Variants in RBL2 observed in about 807,000 individuals in gnomAD.
RBL2 encodes the protein RB transcriptional corepressor like 2.
In RBL2, 56 loss-of-function variants were observed where a neutral mutation model predicts 126.0. The ratio of observed to expected loss-of-function variants is 0.44; its 90% CI spans 0.36 to 0.56. The LOEUF (loss-of-function observed/expected upper bound fraction) is 0.56. RBL2 is among the 20% of genes least tolerant of loss of function. The pLI is 0.00. For missense variants in RBL2, 1,229 were observed against 1,398.2 expected (o/e 0.88, Z 1.93); for synonymous variants, 454 against 478.5 (o/e 0.95, Z 0.67).
chr16:53,473,844 T>A (rs528597050), intron 17 of RBL2, among the ~76,000 whole-genome samples: 79 of 152,224 alleles, frequency 5.2e-4, no homozygotes, highest in South Asian at 5.2e-3. Flanking sequence ...GTGTTTTTTT[T>A]ATCATGAAAG....
chr16:53,436,791 G>A (rs1457384264), intron 1 of RBL2, among the ~76,000 whole-genome samples: 1 of 152,192 alleles, frequency 6.6e-6, no homozygotes, highest in Non-Finnish European at 1.5e-5. Flanking sequence ...GTATGGCAGA[G>A]CCGGAATTTG....
intron 4 of RBL2, 123 bp from the exon 5 acceptor site, chr16:53,451,576 CACTT>C (rs2153140868): frequency 9.9e-7 from 1 of 1,008,284 alleles, no homozygotes; most frequent in African/African-American, 1.6e-5. Flanking sequence ...TTTGCCAAAA[CACTT>C]ATTGTAATGA....
At chr16:53,465,815 A>G in intron 13 of RBL2, 1 of 373,176 alleles carries the variant, frequency 2.7e-6, no homozygotes, top group Non-Finnish European at 4.7e-6. Context: ...CAGCTTGGTA[A>G]GTAGATAACG....
intron 6 of RBL2, 28 bp from the exon 7 acceptor site, chr16:53,453,677 G>C: frequency 1.2e-6 from 2 of 1,604,078 alleles, no homozygotes; most frequent in South Asian, 1.1e-5. Context: ...TTAACATGAC[G>C]ACTTAAGGAT....
In RBL2 at chr16:53,470,059, G is replaced by T. The variant is rs1389398565; in HGVS notation, c.2119G>T (p.Val707Phe). 2 of 1,614,090 alleles carry T rather than the reference G, an allele frequency of 1.2e-6. No homozygotes were observed. The highest frequency in any genetic ancestry group is 4.5e-5 in the East Asian group (2 of 44,892). The change falls in exon 15 of 22, where the codon GTC becomes TTC. Residue 707 changes from valine (V) to phenylalanine (F), a missense_variant. Physicochemically the swap from Val to Phe is conservative, Grantham distance 50. Around this residue, in one of 2 missense-constraint regions of RBL2, gnomAD observed 1,070 missense variants for 1,274.3 expected, o/e 0.84. Coordinates refer to ENST00000262133, the MANE Select transcript of RBL2 (RefSeq NM_005611.4). Reference sequence around the variant, plus strand: ...GCCCCCACAGCCCCTAGTCAATGCTGTCCCTGTGCAGAATGTATCTGGGGA... The same window carrying T: ...GCCCCCACAGCCCCTAGTCAATGCTTTCCCTGTGCAGAATGTATCTGGGGA... ...RMPPQPLVNAVPVQNVSGETV... is the reference protein window; with the variant it reads ...RMPPQPLVNAFPVQNVSGETV...
At chr16:53,444,779 C>G (rs116373828) in intron 3 of RBL2, among the ~76,000 whole-genome samples, 2 of 149,210 alleles carry the variant, frequency 1.3e-5, no homozygotes, top group African/African-American at 2.5e-5. Context: ...ACCCAGGAGT[C>G]GGAGGTTTCA....
chr16:53,484,880 A>G (rs1269933367), intron 21 of RBL2, among the ~76,000 whole-genome samples: 2 of 152,230 alleles, frequency 1.3e-5, no homozygotes, highest in South Asian at 2.1e-4. Flanking sequence ...ATACCATGCT[A>G]CCACTCATGA....
chr16:53,446,890 A>G, intron 3 of RBL2, 152 bp from the exon 4 acceptor site: 1 of 422,444 alleles, frequency 2.4e-6, no homozygotes, highest in Non-Finnish European at 4.3e-6. Flanking sequence ...ATATTTTGTT[A>G]AGGCAGAACG....
intron 1 of RBL2, 94 bp from the exon 2 acceptor site, chr16:53,438,922 T>C: frequency 1.5e-6 from 1 of 654,974 alleles, no homozygotes; most frequent in South Asian, 4.1e-5. Flanking sequence ...CACAAAAATA[T>C]AAACAACACT....
chr16:53,477,624 G>A (rs1960781578), intron 17 of RBL2, among the ~76,000 whole-genome samples: 1 of 152,102 alleles, frequency 6.6e-6, no homozygotes, highest in African/African-American at 2.4e-5. Flanking sequence ...GGGATTACAG[G>A]AGTAGCCACT....
intron 1 of RBL2, 66 bp from the exon 2 acceptor site, chr16:53,438,950 T>G (rs2057986065): frequency 2.6e-6 from 3 of 1,160,314 alleles, no homozygotes; most frequent in South Asian, 4.2e-5. Flanking sequence ...TAAACATACT[T>G]TTAAAAATAT....
chr16:53,480,154 C>A, intron 19 of RBL2, 163 bp downstream of exon 19: 1 of 587,444 alleles, frequency 1.7e-6, no homozygotes, highest in Non-Finnish European at 3.0e-6. Context: ...CTGTCCATTA[C>A]ATAGCTTTGG....
intron 2 of RBL2, 69 bp from the exon 3 acceptor site, chr16:53,442,589 T>C: frequency 8.5e-7 from 1 of 1,170,242 alleles, no homozygotes; most frequent in Non-Finnish European, 1.2e-6. Context: ...GATTTACTTT[T>C]GAATACTTAC....
intron 17 of RBL2, among the ~76,000 whole-genome samples, chr16:53,472,841 G>T (rs190501471): frequency 2.0e-5 from 3 of 152,138 alleles, no homozygotes; most frequent in Non-Finnish European, 2.9e-5. Context: ...TTATCTCATA[G>T]TTAGGTCTTT....
intron 1 of RBL2, 52 bp downstream of exon 1, chr16:53,434,848 C>T: frequency 7.0e-7 from 1 of 1,421,752 alleles, no homozygotes; most frequent in Non-Finnish European, 9.2e-7. Flanking sequence ...TGAACCGGTG[C>T]CTTCCGAGCC....
At chr16:53,441,003 A>C (rs1598087260) in intron 2 of RBL2, among the ~76,000 whole-genome samples, 1 of 114,984 alleles carries the variant, frequency 8.7e-6, no homozygotes, top group Admixed American at 1.3e-4. Context: ...TCTGCTGCCC[A>C]GGCTGGAGTG....
At position 53,462,508 on chromosome 16, in the gene RBL2, T is replaced by C. The variant is rs1294732949; in HGVS notation, c.1457-44T>C. 7.2e-6 allele frequency: 9 copies of C among 1,246,430 alleles called. No individual in the cohort carries two copies. In the Admixed American group the frequency reaches 1.8e-4, roughly 25 times the overall value. The allele number at this position is 1,246,430 out of a possible 1,614,324, so 77.2% of individuals were successfully genotyped here. A position where few individuals can be genotyped will look rare whatever the true frequency, so the allele number is the denominator to read the frequency against. The stretch of plus-strand genomic sequence containing the variant: ...AGGAGGAATGGGCCTTTATTTTCTT[T>C]GTGTGCCATTTTTGTGGGGTTTTTT... On this transcript the variant is annotated intron_variant, in intron 10 of 21. Coordinates refer to ENST00000262133, the MANE Select transcript of RBL2 (RefSeq NM_005611.4).
intron 4 of RBL2, 40 bp from the exon 5 acceptor site, chr16:53,451,663 C>T: frequency 6.3e-7 from 1 of 1,587,724 alleles, no homozygotes; most frequent in South Asian, 1.1e-5. Context: ...GTTACAAAGT[C>T]AATGCTAATT....
chr16:53,450,001 A>G (rs1277455689), intron 4 of RBL2, among the ~76,000 whole-genome samples: 1 of 136,610 alleles, frequency 7.3e-6, no homozygotes, highest in Non-Finnish European at 1.5e-5. Flanking sequence ...AGTGCACACC[A>G]GTAACAAGTT....
Sources: gnomAD v4.1 joint callset for allele counts (sites outside exome capture counted in the v4.1 genomes callset) on GRCh38, gnomAD v4.1.1 for gene constraint, gnomAD v4.1.1 regional missense constraint, MANE v1.5 for transcripts, NCBI Gene and HGNC (gene_info 2026-07-23, HGNC 2026-07-21) for gene names.